Variants in CRACR2A observed in about 807,000 individuals in gnomAD.
The protein encoded by CRACR2A is EF-hand calcium-binding domain-containing protein 4B.
In CRACR2A, 79 loss-of-function variants were observed where a neutral mutation model predicts 90.5. The observed-to-expected ratio is 0.87, with a 90% CI of 0.73 to 1.05. The LOEUF (loss-of-function observed/expected upper bound fraction) is 1.05. Among genes scored for constraint, CRACR2A ranks in the 50% least tolerant of loss-of-function variants. CRACR2A has a pLI of 0.00. For missense variants in CRACR2A, 823 were observed against 897.2 expected (o/e 0.92, Z 1.06); for synonymous variants, 338 against 356.7 (o/e 0.95, Z 0.59).
chr12:3,621,648 C>CAAAAA lies in CRACR2A; in HGVS notation c.1933-2281_1933-2277dup, dbSNP rs557648607. 1.7e-3 allele frequency among the ~76,000 whole-genome samples: 25 copies of CAAAAA among 14,578 alleles called. 3 individuals are homozygous for CAAAAA. Among genetic ancestry groups the CAAAAA allele is most frequent in the East Asian group, 9.0e-3 (3 of 334 alleles). The allele number at this position is 14,578 out of a possible 152,430, so 9.6% of individuals were successfully genotyped here. A position where few individuals can be genotyped will look rare whatever the true frequency, so the allele number is the denominator to read the frequency against. On this transcript the variant is annotated intron_variant, in intron 17 of 19. Coordinates refer to ENST00000440314, the MANE Select transcript of CRACR2A (RefSeq NM_001144958.2). ...CCTCAGTGACAGAGAGAGACTCTGT[C>CAAAAA]AAAAAAAAAAAAAAAAAAAAAAAAA...
At chr12:3,643,855 TTTATATTATATATATTA>T (rs1944627405) in intron 12 of CRACR2A, among the ~76,000 whole-genome samples, 1 of 48,196 alleles carries the variant, frequency 2.1e-5, no homozygotes, top group East Asian at 1.5e-3. Context: ...ATATTATATA[TTTATATTATATATATTA>T]TATATATTTA....
intron 4 of CRACR2A, among the ~76,000 whole-genome samples, chr12:3,682,505 G>C (rs1353917210): frequency 1.3e-5 from 2 of 152,090 alleles, no homozygotes; most frequent in African/African-American, 4.8e-5. Context: ...GCAAAGATGG[G>C]GAAAGCAATA....
intron 4 of CRACR2A, among the ~76,000 whole-genome samples, chr12:3,692,360 G>T (rs1323298416): frequency 1.3e-5 from 2 of 152,096 alleles, no homozygotes; most frequent in Admixed American, 1.3e-4. Context: ...GTGGTATGAG[G>T]TGGGTTCAGC....
chr12:3,656,234 C>T, intron 9 of CRACR2A, 77 bp downstream of exon 9: 2 of 1,408,946 alleles, frequency 1.4e-6, no homozygotes, highest in Non-Finnish European at 2.0e-6. Context: ...AAGTGAATGG[C>T]AGGGAAAGTG....
At chr12:3,688,185 T>A (rs922084242) in intron 4 of CRACR2A, among the ~76,000 whole-genome samples, 8 of 152,252 alleles carry the variant, frequency 5.3e-5, no homozygotes, top group African/African-American at 1.7e-4. Flanking sequence ...AGAAGCTCTT[T>A]AGTTTAATTA....
At chr12:3,747,415 G>A (rs1368091926) in intron 1 of CRACR2A, among the ~76,000 whole-genome samples, 1 of 152,174 alleles carries the variant, frequency 6.6e-6, no homozygotes, top group Non-Finnish European at 1.5e-5. Flanking sequence ...GTCAAGGTGG[G>A]GCTGCAGGAA....
At position 3,618,125 on chromosome 12, in the gene CRACR2A, C is replaced by T. The variant is rs183834763; in HGVS notation, c.2035-1095G>A. On this transcript the variant is annotated intron_variant, in intron 18 of 19. Coordinates refer to ENST00000440314, the MANE Select transcript of CRACR2A (RefSeq NM_001144958.2). The stretch of plus-strand genomic sequence containing the variant: ...CCACCTCGGGTGAGCTGTGATAATA[C>T]GAATGTATCACTTAACTCCCGAGTC... Among the ~76,000 whole-genome samples the T allele has an allele frequency of 1.9e-4, 28 of 149,068 alleles. No homozygotes were observed. In the Admixed American group the frequency reaches 1.9e-3, roughly 10 times the overall value.
intron 1 of CRACR2A, among the ~76,000 whole-genome samples, chr12:3,734,583 G>A (rs1411283778): frequency 1.3e-5 from 2 of 151,996 alleles, no homozygotes; most frequent in Non-Finnish European, 2.9e-5. Context: ...AACAACCTAA[G>A]TGTCCATCAA....
At chr12:3,668,579 C>CT (rs1205871898) in intron 7 of CRACR2A, among the ~76,000 whole-genome samples, 2 of 152,174 alleles carry the variant, frequency 1.3e-5, no homozygotes, top group Non-Finnish European at 2.9e-5. Context: ...TTATTTGCTG[C>CT]CCTATCTGGA....
chr12:3,695,817 T>C (rs1256982813), intron 4 of CRACR2A, among the ~76,000 whole-genome samples: 6 of 152,370 alleles, frequency 3.9e-5, no homozygotes, highest in Admixed American at 2.6e-4. Flanking sequence ...GTCTGTATTT[T>C]ATTCACCCAT....
At chr12:3,639,628 G>C (rs1944526212) in intron 13 of CRACR2A, among the ~76,000 whole-genome samples, 1 of 151,762 alleles carries the variant, frequency 6.6e-6, no homozygotes, top group African/African-American at 2.4e-5. Flanking sequence ...TTTAAAATAT[G>C]TATTACTCTT....
At chr12:3,671,133 G>A (rs1049897450) in intron 7 of CRACR2A, among the ~76,000 whole-genome samples, 2 of 152,190 alleles carry the variant, frequency 1.3e-5, no homozygotes, top group African/African-American at 2.4e-5. Context: ...GCAAGTCAGG[G>A]GTACTTGTTT....
chr12:3,668,747 C>T (rs1255327829), intron 7 of CRACR2A, among the ~76,000 whole-genome samples: 1 of 152,202 alleles, frequency 6.6e-6, no homozygotes, highest in Non-Finnish European at 1.5e-5. Flanking sequence ...AAGGTGCACT[C>T]CCTCCTGGAC....
At chr12:3,643,870 TTATATATATTTATATTAATATATAA>T (rs1325409270) in intron 12 of CRACR2A, among the ~76,000 whole-genome samples, 40 of 44,852 alleles carry the variant, frequency 8.9e-4, no homozygotes, top group Middle Eastern at 0.015. Flanking sequence ...ATTATATATA[TTATATATATTTATATTAATATATAA>T]TATATATTAT....
chr12:3,671,196 G>A (rs751862605), intron 7 of CRACR2A, among the ~76,000 whole-genome samples: 5 of 152,146 alleles, frequency 3.3e-5, no homozygotes, highest in Non-Finnish European at 7.3e-5. Flanking sequence ...GAGATGCCAG[G>A]CTAAGGCTGG....
intron 14 of CRACR2A, among the ~76,000 whole-genome samples, chr12:3,635,045 A>C (rs1237988153): frequency 6.6e-6 from 1 of 152,192 alleles, no homozygotes; most frequent in Non-Finnish European, 1.5e-5. Context: ...AGGGAAGGTA[A>C]AACCCAGGAT....
chr12:3,668,978 A>G (rs926972822), intron 7 of CRACR2A, among the ~76,000 whole-genome samples: 4 of 152,214 alleles, frequency 2.6e-5, no homozygotes, highest in South Asian at 2.1e-4. Context: ...GCAACAACCA[A>G]TGATGCCAAA....
intron 3 of CRACR2A, among the ~76,000 whole-genome samples, chr12:3,697,745 T>G (rs1945766858): frequency 6.6e-6 from 1 of 152,194 alleles, no homozygotes; most frequent in African/African-American, 2.4e-5. Flanking sequence ...GCAGTTTATT[T>G]ACGTAGGAGA....
intron 3 of CRACR2A, among the ~76,000 whole-genome samples, chr12:3,697,442 T>A (rs1296940478): frequency 1.3e-5 from 2 of 152,184 alleles, no homozygotes; most frequent in Admixed American, 6.5e-5. Context: ...AATTCTCACA[T>A]CTCTCTGACA....
Sources: allele counts gnomAD v4.1 joint callset (sites outside exome capture counted in the v4.1 genomes callset), GRCh38; gene constraint gnomAD v4.1.1; transcripts MANE v1.5; gene names NCBI Gene and HGNC (gene_info 2026-07-23, HGNC 2026-07-21).